Variants in SLC9A7 observed in about 807,000 individuals in gnomAD.
The protein encoded by SLC9A7 is solute carrier family 9 member A7.
SLC9A7 carries 19 observed loss-of-function variants against 52.6 expected under a neutral mutation model. That is an observed-to-expected ratio of 0.36 (90% CI 0.25 to 0.53). The LOEUF is 0.53. SLC9A7 is among the 20% of genes least tolerant of loss of function. SLC9A7 has a pLI of 0.91. For missense variants in SLC9A7, 455 were observed against 597.9 expected (o/e 0.76, Z 2.49); for synonymous variants, 226 against 252.1 (o/e 0.90, Z 0.98).
chrX:46,758,666 A>C, intron 1 of SLC9A7, 39 bp downstream of exon 1: 2 of 963,764 alleles, frequency 2.1e-6, no homozygotes, highest in Non-Finnish European at 2.8e-6. Context: ...GCGGCGGCCG[A>C]GGGGTGTGGA....
At chrX:46,718,241 C>T (rs1481759387) in intron 1 of SLC9A7, among the ~76,000 whole-genome samples, 1 of 111,579 alleles carries the variant, frequency 9.0e-6, no homozygotes, top group African/African-American at 3.3e-5. Flanking sequence ...ACTGGCTAGC[C>T]ATATGTAGAA....
At chrX:46,738,090 AGAAAGAAAGAAAGAAAG>A in intron 1 of SLC9A7, among the ~76,000 whole-genome samples, 1 of 69,517 alleles carries the variant, frequency 1.4e-5, no homozygotes, top group South Asian at 5.8e-4. Flanking sequence ...AAAGAAAGAA[AGAAAGAAAGAAAGAAAG>A]AGAAAAGAAA....
chrX:46,746,051 G>A (rs760333102), intron 1 of SLC9A7, among the ~76,000 whole-genome samples: 6 of 110,702 alleles, frequency 5.4e-5, no homozygotes, highest in African/African-American at 9.8e-5. Context: ...CAGGTCGGGC[G>A]CAGTGGCTCA....
chrX:46,617,349 A>G (rs191200225), intron 15 of SLC9A7, among the ~76,000 whole-genome samples: 76 of 112,084 alleles, frequency 6.8e-4, no homozygotes, highest in African/African-American at 2.3e-3. Flanking sequence ...CAAAAAGTAC[A>G]TAATTGTTTA....
intron 15 of SLC9A7, among the ~76,000 whole-genome samples, chrX:46,613,902 T>G (rs1160358577): frequency 8.9e-6 from 1 of 111,835 alleles, no homozygotes; most frequent in Non-Finnish European, 1.9e-5. Flanking sequence ...CTGGGGCTAC[T>G]ATAAAGGCAG....
intron 1 of SLC9A7, among the ~76,000 whole-genome samples, chrX:46,702,003 A>G (rs999147703): frequency 2.7e-5 from 3 of 111,271 alleles, no homozygotes; most frequent in African/African-American, 9.8e-5. Flanking sequence ...TTTGGTGTTT[A>G]CTGTGCCCTT....
In SLC9A7 at chrX:46,606,941, T is replaced by TG. The variant is rs777770991; in HGVS notation, c.*10dup. On this transcript the variant is annotated 3_prime_UTR_variant, in exon 17 of 17. Transcript: ENST00000616978. ...GAGCCTACCCCATCGCGCCAGGGCT[T>TG]GGGGGGAAAGTCAAGCATTATCTTC... The TG allele has an allele frequency of 5.0e-6, 6 of 1,208,588 alleles. No homozygotes were observed. Among genetic ancestry groups the TG allele is most frequent in the Non-Finnish European group, 6.7e-6 (6 of 894,657 alleles).
At chrX:46,669,983 G>C (rs1200311181) in intron 4 of SLC9A7, among the ~76,000 whole-genome samples, 1 of 112,168 alleles carries the variant, frequency 8.9e-6, no homozygotes, top group African/African-American at 3.2e-5. Context: ...ATGAAGCACA[G>C]TCTTCAATTA....
intron 1 of SLC9A7, among the ~76,000 whole-genome samples, chrX:46,695,363 G>C (rs752225694): frequency 4.4e-5 from 5 of 112,475 alleles, no homozygotes; most frequent in Admixed American, 9.4e-5. Flanking sequence ...ATATTCTGTA[G>C]TGCAAGGGCT....
chrX:46,626,833 T>C (rs1943138617), intron 14 of SLC9A7, among the ~76,000 whole-genome samples: 1 of 112,298 alleles, frequency 8.9e-6, no homozygotes, highest in Non-Finnish European at 1.9e-5. Context: ...GATTGTGCGT[T>C]TCCTGAGGCC....
At chrX:46,665,612 C>T in intron 5 of SLC9A7, among the ~76,000 whole-genome samples, 1 of 105,930 alleles carries the variant, frequency 9.4e-6, no homozygotes, top group Non-Finnish European at 1.9e-5. Flanking sequence ...TTATGTCAGG[C>T]ATTTTTACCA....
At position 46,707,818 on chromosome X, in the gene SLC9A7, C is replaced by T. The variant is rs759808548; in HGVS notation, c.326-25283G>A. Reference sequence around the variant, plus strand: ...GCAGTGGCACGATCTCAGCTCACCGCGACCTCCACCTCTCGAGTTCAAGTA... The same window carrying T: ...GCAGTGGCACGATCTCAGCTCACCGTGACCTCCACCTCTCGAGTTCAAGTA... On this transcript the variant is annotated intron_variant, in intron 1 of 16. Transcript: ENST00000616978. 9.9e-4 allele frequency among the ~76,000 whole-genome samples: 110 copies of T among 110,792 alleles called. 1 individual carries two copies. The highest frequency in any genetic ancestry group is 3.2e-3 in the African/African-American group (98 of 30,474).
In SLC9A7 at chrX:46,661,164, T is replaced by C. The variant is rs1317849251; in HGVS notation, c.1041+852A>G. On this transcript the variant is annotated intron_variant, in intron 7 of 16. Coordinates refer to ENST00000616978, the MANE Select transcript of SLC9A7 (RefSeq NM_001257291.2). The stretch of plus-strand genomic sequence containing the variant: ...GCATATTCTCACTCATAGGTGGGAA[T>C]TGAACAATGAGAACACATGGACACA... Among the ~76,000 whole-genome samples the C allele has an allele frequency of 3.2e-4, 35 of 108,177 alleles. 1 individual carries two copies. Among genetic ancestry groups the C allele is most frequent in the Non-Finnish European group, 3.5e-4 (18 of 52,158 alleles). 93.9% of individuals were successfully genotyped at this position (108,177 alleles called of 115,157 possible).
At chrX:46,624,233 AC>A (rs34909321) in intron 14 of SLC9A7, among the ~76,000 whole-genome samples, 32 of 109,509 alleles carry the variant, frequency 2.9e-4, no homozygotes, top group African/African-American at 9.0e-4. Flanking sequence ...GGGGTTGGGA[AC>A]CCCCCCCTAT....
rs2146651382 is a variant in SLC9A7, at chrX:46,601,658, C to T, written c.*5294G>A. 8.9e-6 allele frequency: 1 copy of T among 112,628 alleles called. No individual in the cohort carries two copies. The highest frequency in any genetic ancestry group is 1.9e-5 in the Non-Finnish European group (1 of 53,296). 9.3% of individuals were successfully genotyped at this position (112,628 alleles called of 1,213,427 possible). ...GCATCAATGCTTATTTGTCTGATCACCCCAGTAACCACCCTGGATGCTCGG... is the reference window on the plus strand; with the variant it reads ...GCATCAATGCTTATTTGTCTGATCATCCCAGTAACCACCCTGGATGCTCGG... On this transcript the variant is annotated 3_prime_UTR_variant, in exon 17 of 17. Transcript: ENST00000616978.
intron 1 of SLC9A7, among the ~76,000 whole-genome samples, chrX:46,707,046 T>A (rs1986148068): frequency 9.0e-6 from 1 of 111,335 alleles, no homozygotes; most frequent in African/African-American, 3.3e-5. Context: ...CAGCCTCAGG[T>A]AAACTTTTTC....
chrX:46,709,361 C>T (rs553021230), intron 1 of SLC9A7, among the ~76,000 whole-genome samples: 12 of 110,964 alleles, frequency 1.1e-4, no homozygotes, highest in Admixed American at 1.1e-3. Context: ...GAGCTGAGAT[C>T]ACACCACTGC....
At chrX:46,638,670 A>G (rs1418401855) in intron 12 of SLC9A7, among the ~76,000 whole-genome samples, 1 of 112,370 alleles carries the variant, frequency 8.9e-6, no homozygotes, top group African/African-American at 3.2e-5. Flanking sequence ...AATATGAAAT[A>G]GGTCATCTGA....
chrX:46,736,703 T>C (rs1945127450), intron 1 of SLC9A7, among the ~76,000 whole-genome samples: 1 of 111,334 alleles, frequency 9.0e-6, no homozygotes, highest in Non-Finnish European at 1.9e-5. Flanking sequence ...CTTGTTTTTA[T>C]GGCATTGGGT....
Sources: allele counts gnomAD v4.1 joint callset (sites outside exome capture counted in the v4.1 genomes callset), GRCh38; gene constraint gnomAD v4.1.1; transcripts MANE v1.5; gene names NCBI Gene and HGNC (gene_info 2026-07-23, HGNC 2026-07-21).